The following CD8B2 variants were observed in gnomAD, a reference collection of about 807,000 sequenced individuals.
CD8B2 encodes CD8B family member 2.
In CD8B2, 11 loss-of-function variants were observed where a neutral mutation model predicts 23.7. The ratio of observed to expected loss-of-function variants is 0.46; its 90% CI spans 0.29 to 0.77. The LOEUF (loss-of-function observed/expected upper bound fraction) is 0.77, where lower values mean the gene tolerates loss of function less well. CD8B2 is among the 30% of genes least tolerant of loss of function. The probability of loss-of-function intolerance (pLI) is 0.09; values close to 1 mark genes in which losing one functional copy is unlikely to be tolerated. For missense variants in CD8B2, 197 were observed against 270.5 expected, an observed-to-expected ratio of 0.73 and a Z score of 1.91; for synonymous variants, 90 against 109.3, an observed-to-expected ratio of 0.82 and a Z score of 1.10.
chr2:106,529,364 C>T (rs768034654), intron 5 of CD8B2, among the ~76,000 whole-genome samples: 2 of 151,966 alleles, frequency 1.3e-5, no homozygotes, highest in Non-Finnish European at 2.9e-5. Context: ...CTTAGTTGTC[C>T]TTGGTATCCC....
intron 5 of CD8B2, chr2:106,538,220 G>A (rs7580203): frequency 0.63 from 95,937 of 152,052 alleles, 31,678 homozygotes; most frequent in African/African-American, 0.76. Flanking sequence ...AGTGATTTGA[G>A]AAACGGGAAA....
intron 5 of CD8B2, among the ~76,000 whole-genome samples, chr2:106,505,889 G>C (rs572846449): frequency 7.9e-5 from 12 of 152,210 alleles, no homozygotes; most frequent in Non-Finnish European, 1.3e-4. Context: ...CCAGCACTTT[G>C]GGAGGCCCAA....
At position 106,506,969 on chromosome 2, in the gene CD8B2, A is replaced by C. The variant is rs1222861742; in HGVS notation, c.*29A>C. 8.1e-6 allele frequency: 13 copies of C among 1,597,278 alleles called. No individual in the cohort carries two copies. Among genetic ancestry groups the C allele is most frequent in the Non-Finnish European group, 1.1e-5 (13 of 1,171,170 alleles). On this transcript the variant is annotated 3_prime_UTR_variant, in exon 6 of 6. Transcript: ENST00000643224. ...GAGAATACGGTTTTGGTGTCCTGCT[A>C]CAAAAAGACATCGGTCAGTAACGAG... is the stretch of plus-strand genomic sequence containing the variant.
rs1193639483 is a variant in CD8B2 at position 106,508,523 on chromosome 2, C to A, written c.*1583C>A. 1 of 151,960 alleles carries A rather than the reference C, an allele frequency of 6.6e-6. No homozygotes were observed. Among genetic ancestry groups the A allele is most frequent in the East Asian group, 1.9e-4 (1 of 5,172 alleles). The allele number at this position is 151,960 out of a possible 1,614,324, so 9.4% of individuals were successfully genotyped here. A position where few individuals can be genotyped will look rare whatever the true frequency, so the allele number is the denominator to read the frequency against. On this transcript the variant is annotated 3_prime_UTR_variant, in exon 6 of 6. Transcript: ENST00000643224. Reference sequence around the variant, plus strand: ...GGTCCTTGGCATTTTGAACAAAGAACTGAACAAAACATACAAAGTAATAAA... The same window carrying A: ...GGTCCTTGGCATTTTGAACAAAGAAATGAACAAAACATACAAAGTAATAAA...
At chr2:106,497,725 T>C (rs534642213) in intron 3 of CD8B2, among the ~76,000 whole-genome samples, 1 of 152,234 alleles carries the variant, frequency 6.6e-6, no homozygotes, top group Non-Finnish European at 1.5e-5. Flanking sequence ...TCAGAACCAA[T>C]GTACAGAAGA....
In CD8B2 at chr2:106,506,994, G is replaced by A. The variant is rs1386533331; in HGVS notation, c.*54G>A. The A allele has an allele frequency of 5.8e-6, 9 of 1,553,634 alleles. No individual in the cohort carries two copies. Among genetic ancestry groups the A allele is most frequent in the Non-Finnish European group, 7.8e-6 (9 of 1,150,254 alleles). ...ACAAAAAGACATCGGTCAGTAACGA[G>A]CACGATGTGGAAAAATGAGAGAAGG... On this transcript the variant is annotated 3_prime_UTR_variant, in exon 6 of 6. Transcript: ENST00000643224.
chr2:106,521,691 G>A (rs1251117666), intron 5 of CD8B2: 8 of 152,282 alleles, frequency 5.3e-5, no homozygotes, highest in African/African-American at 1.9e-4. Context: ...AGCACTTTCA[G>A]TTCTGAAACT....
At chr2:106,528,973 C>T (rs1244537017) in intron 5 of CD8B2, among the ~76,000 whole-genome samples, 1 of 152,104 alleles carries the variant, frequency 6.6e-6, no homozygotes, top group Non-Finnish European at 1.5e-5. Flanking sequence ...CCTGATATAG[C>T]GCCTTTCTGA....
rs372799798 is a variant in CD8B2 at position 106,526,894 on chromosome 2, G to A, written c.621-17098G>A. ...TGACCTCAGGTCATCTGCCTGCCTC[G>A]GCCTTCCAAAATGTTGAGATTACAG... On this transcript the variant is annotated intron_variant, in intron 5 of 5. Transcript: ENST00000416057. Among the ~76,000 whole-genome samples, 6 of 152,112 alleles carry A rather than the reference G, an allele frequency of 3.9e-5. No individual in the cohort carries two copies. In the East Asian group the frequency reaches 5.8e-4, roughly 15 times the overall value.
chr2:106,538,684 C>T (rs1227901431), intron 5 of CD8B2, among the ~76,000 whole-genome samples: 1 of 152,180 alleles, frequency 6.6e-6, no homozygotes, highest in East Asian at 1.9e-4. Flanking sequence ...CTGGTAATAG[C>T]TGGCTTCCGT....
intron 5 of CD8B2, among the ~76,000 whole-genome samples, chr2:106,542,290 T>C (rs1227873874): frequency 6.6e-6 from 1 of 152,218 alleles, no homozygotes; most frequent in Non-Finnish European, 1.5e-5. Context: ...CTGCGGGCAG[T>C]AACTAGATCT....
At position 106,494,062 on chromosome 2, in the gene CD8B2, G is replaced by T. The variant is rs557769668; in HGVS notation, c.404-2111G>T. 2.6e-5 allele frequency among the ~76,000 whole-genome samples: 4 copies of T among 152,252 alleles called. No individual in the cohort carries two copies. In the East Asian group the frequency reaches 5.8e-4, roughly 22 times the overall value. Reference sequence around the variant, plus strand: ...CAGAGGAGGCTCAGAGAGGTGAGGGGTTAAAATGTCTACTTTTATATAGAA... The same window carrying T: ...CAGAGGAGGCTCAGAGAGGTGAGGGTTTAAAATGTCTACTTTTATATAGAA... On this transcript the variant is annotated intron_variant, in intron 2 of 5. Transcript: ENST00000643224.
intron 3 of CD8B2, among the ~76,000 whole-genome samples, chr2:106,499,351 G>A (rs553364039): frequency 2.6e-5 from 4 of 152,140 alleles, no homozygotes; most frequent in Admixed American, 2.0e-4. Context: ...TGATCAACAT[G>A]GCGAAACCCG....
intron 5 of CD8B2, among the ~76,000 whole-genome samples, chr2:106,532,968 A>G (rs1276168785): frequency 6.6e-6 from 1 of 152,172 alleles, no homozygotes; most frequent in East Asian, 1.9e-4. Flanking sequence ...GTTCTGGTTC[A>G]AACACCTCTG....
intron 5 of CD8B2, among the ~76,000 whole-genome samples, chr2:106,534,415 C>CACA (rs915915660): frequency 4.0e-5 from 6 of 151,608 alleles, no homozygotes; most frequent in African/African-American, 1.2e-4. Flanking sequence ...ACAACAACAA[C>CACA]ACAACAACAA....
chr2:106,499,527 G>A (rs1196980395), intron 3 of CD8B2, among the ~76,000 whole-genome samples: 7 of 64,032 alleles, frequency 1.1e-4, no homozygotes, highest in African/African-American at 1.9e-4. Flanking sequence ...GCAAGACCCT[G>A]TCTCAAAAAA....
At chr2:106,518,208 C>T (rs1489844735) in intron 5 of CD8B2, among the ~76,000 whole-genome samples, 1 of 152,080 alleles carries the variant, frequency 6.6e-6, no homozygotes, top group African/African-American at 2.4e-5. Context: ...ACTTGGGCTT[C>T]TTTAGAAAAT....
chr2:106,517,751 C>G (rs1679752200), intron 5 of CD8B2, among the ~76,000 whole-genome samples: 1 of 151,692 alleles, frequency 6.6e-6, no homozygotes, highest in South Asian at 2.1e-4. Flanking sequence ...GTCGCTCCGT[C>G]GCCCAGGCTG....
chr2:106,531,017 C>A (rs931744173), intron 5 of CD8B2, among the ~76,000 whole-genome samples: 1 of 152,252 alleles, frequency 6.6e-6, no homozygotes, highest in Non-Finnish European at 1.5e-5. Flanking sequence ...CGGGGCTGCA[C>A]TGTCTATGGA....
Sources: allele counts gnomAD v4.1 joint callset (sites outside exome capture counted in the v4.1 genomes callset), GRCh38; gene constraint gnomAD v4.1.1; transcripts MANE v1.5; gene names NCBI Gene and HGNC (gene_info 2026-07-23, HGNC 2026-07-21).